Variants in DLEC1 observed in about 807,000 individuals in gnomAD.
DLEC1 encodes deleted in lung and esophageal cancer protein 1.
Under a neutral mutation model 198.1 loss-of-function variants are expected in DLEC1, and 146 were observed. The ratio of observed to expected loss-of-function variants is 0.74; its 90% CI spans 0.64 to 0.85. DLEC1 has a LOEUF of 0.85. Among genes scored for constraint, DLEC1 ranks in the 40% least tolerant of loss-of-function variants. The pLI is 0.00. For missense variants in DLEC1, 2,233 were observed against 2,220.0 expected, an observed-to-expected ratio of 1.01 and a Z score of -0.12; for synonymous variants, 897 against 866.8, an observed-to-expected ratio of 1.03 and a Z score of -0.61.
chr3:38,083,219 T>C (rs1427489711), intron 6 of DLEC1, among the ~76,000 whole-genome samples: 1 of 151,616 alleles, frequency 6.6e-6, no homozygotes, highest in Admixed American at 6.6e-5. Flanking sequence ...AGGCTTTGTG[T>C]GAGCAATAAA....
At chr3:38,040,547 G>A (rs1201014662) in intron 1 of DLEC1, among the ~76,000 whole-genome samples, 1 of 152,200 alleles carries the variant, frequency 6.6e-6, no homozygotes, top group Non-Finnish European at 1.5e-5. Context: ...GCTTCTTAAA[G>A]TGCAGCCAGA....
Position 38,122,408 on chromosome 3 carries a change from C to T in DLEC1, c.5264C>T (p.Pro1755Leu). 2.5e-6 allele frequency: 4 copies of T among 1,614,148 alleles called. No individual in the cohort carries two copies. The highest frequency in any genetic ancestry group is 3.4e-6 in the Non-Finnish European group (4 of 1,179,994). Residue 1755 changes from proline (P) to leucine (L), a missense_variant, in exon 37 of 37, where the codon CCC (proline) becomes CTC (leucine). Pro to Leu is a moderately conservative substitution (Grantham distance 98, BLOSUM62 -3). Coordinates refer to ENST00000308059, the MANE Select transcript of DLEC1 (RefSeq NM_007335.4). ...YDERYMLPHQ[P>L] ...GAGAGATACATGTTGCCTCACCAGC[C>T]CTGAGGCTCCGCCCCAGCCCTCAGC...
In DLEC1 at chr3:38,112,271, G is replaced by C; in HGVS notation, c.3576G>C (p.Gln1192His). 1 of 1,614,160 alleles carries C rather than the reference G, an allele frequency of 6.2e-7. No individual in the cohort carries two copies. Among genetic ancestry groups the C allele is most frequent in the Non-Finnish European group, 8.5e-7 (1 of 1,180,020 alleles). The change falls in exon 25 of 37, where the codon CAG becomes CAC. Residue 1192 changes from glutamine (Q) to histidine (H), a missense_variant. Physicochemically the swap from Gln to His is conservative, Grantham distance 24. Coordinates refer to ENST00000308059, the MANE Select transcript of DLEC1 (RefSeq NM_007335.4). The surrounding 1 kb of genome is among the most constrained non-coding windows in gnomAD (Gnocchi z 4.8). ...KGAAFFPHFS[Q>H]GMLGPYQQLC... ...CTGCTTTCTTCCCTCACTTTTCCCAGGGCATGCTGGGGCCCTACCAGCAGC... is the reference window on the plus strand; with the variant it reads ...CTGCTTTCTTCCCTCACTTTTCCCACGGCATGCTGGGGCCCTACCAGCAGC...
chr3:38,084,442 T>TA (rs1698276544), intron 7 of DLEC1, among the ~76,000 whole-genome samples, 197 bp downstream of exon 7: 1 of 150,178 alleles, frequency 6.7e-6, no homozygotes, highest in Admixed American at 6.7e-5. Context: ...GTAGTGGTGG[T>TA]GGTGGTGGTG....
chr3:38,116,180 G>A (rs1404956779), intron 27 of DLEC1, among the ~76,000 whole-genome samples: 3 of 152,180 alleles, frequency 2.0e-5, no homozygotes, highest in Non-Finnish European at 4.4e-5. Context: ...GGAGAGAGCA[G>A]AGCACCTGCA....
chr3:38,109,759 GTCTCC>G, intron 22 of DLEC1, 197 bp downstream of exon 22: 8 of 948,054 alleles, frequency 8.4e-6, no homozygotes, highest in Non-Finnish European at 1.2e-5. Context: ...CCTCTGTGTG[GTCTCC>G]CCACACACAC....
At position 38,114,950 on chromosome 3, in the gene DLEC1, T is replaced by A. The variant is rs573890913; in HGVS notation, c.3786-33T>A. 87 of 1,604,262 alleles carry A rather than the reference T, an allele frequency of 5.4e-5. No homozygotes were observed. The South Asian group carries it at 8.7e-4, about 16-fold the overall frequency. ...CTACCTGCAAGGTGTACGCTGGCTGTGGCTGTACTGAGTCCAGTCTGTCCC... is the reference window on the plus strand; with the variant it reads ...CTACCTGCAAGGTGTACGCTGGCTGAGGCTGTACTGAGTCCAGTCTGTCCC... On this transcript the variant is annotated intron_variant, in intron 26 of 36. Coordinates refer to ENST00000308059, the MANE Select transcript of DLEC1 (RefSeq NM_007335.4).
chr3:38,110,054 G>A, intron 22 of DLEC1, 45 bp from the exon 23 acceptor site: 1 of 1,601,958 alleles, frequency 6.2e-7, no homozygotes, highest in Non-Finnish European at 8.5e-7. Context: ...AGGGCCAAGG[G>A]TGGTGTGTTA....
rs188348577 is a variant in DLEC1 at position 38,089,958 on chromosome 3, T to G, written c.1665+1570T>G. 7.0e-3 allele frequency among the ~76,000 whole-genome samples: 1,063 copies of G among 152,296 alleles called. 9 individuals are homozygous for G. The highest frequency in any genetic ancestry group is 0.011 in the Non-Finnish European group (753 of 68,020). On this transcript the variant is annotated intron_variant, in intron 10 of 36. Coordinates refer to ENST00000308059, the MANE Select transcript of DLEC1 (RefSeq NM_007335.4). ...CTTTGGGAGGCTAAAGCAAGAGAAC[T>G]GCTGAGTCTGGGAGTTAAAGACCAG...
At chr3:38,099,995 C>T (rs1222625113) in intron 18 of DLEC1, among the ~76,000 whole-genome samples, 1 of 152,230 alleles carries the variant, frequency 6.6e-6, no homozygotes, top group Admixed American at 6.5e-5. Context: ...CCAGCTCTCC[C>T]CATTTTCCCT....
intron 18 of DLEC1, among the ~76,000 whole-genome samples, chr3:38,099,307 C>T (rs1699186564): frequency 6.6e-6 from 1 of 152,306 alleles, no homozygotes; most frequent in Middle Eastern, 3.4e-3. Context: ...GGTCATACGG[C>T]TGATGGGTAG....
At chr3:38,055,232 T>G (rs1157412388) in intron 2 of DLEC1, among the ~76,000 whole-genome samples, 1 of 152,166 alleles carries the variant, frequency 6.6e-6, no homozygotes, top group Non-Finnish European at 1.5e-5. Flanking sequence ...GACATGAGGC[T>G]TAAAGTGACA....
At chr3:38,054,195 A>G (rs1195845693) in intron 2 of DLEC1, among the ~76,000 whole-genome samples, 1 of 143,908 alleles carries the variant, frequency 6.9e-6, no homozygotes, top group Non-Finnish European at 1.5e-5. Flanking sequence ...ATCAATAAAT[A>G]CTAAAAAAAA....
At chr3:38,118,063 ACC>A in intron 33 of DLEC1, 39 bp downstream of exon 33, 8 of 1,553,400 alleles carry the variant, frequency 5.1e-6, no homozygotes, top group Non-Finnish European at 7.0e-6. Flanking sequence ...TCGATGGCAC[ACC>A]CTCACATGTG....
At chr3:38,064,521 T>C (rs1696889079) in intron 6 of DLEC1, among the ~76,000 whole-genome samples, 1 of 152,228 alleles carries the variant, frequency 6.6e-6, no homozygotes, top group Non-Finnish European at 1.5e-5. Flanking sequence ...CATGAGCTAT[T>C]GGGTACACCT....
chr3:38,094,562 C>G (rs569189481), intron 12 of DLEC1, among the ~76,000 whole-genome samples: 3 of 152,288 alleles, frequency 2.0e-5, no homozygotes, highest in Middle Eastern at 3.4e-3. Context: ...TGATGTATAG[C>G]CTCTTCCACT....
intron 2 of DLEC1, among the ~76,000 whole-genome samples, chr3:38,057,602 T>C (rs955562238): frequency 6.6e-6 from 1 of 152,162 alleles, no homozygotes; most frequent in Admixed American, 6.5e-5. Flanking sequence ...ACATTTGACA[T>C]GTTATATTTA....
At chr3:38,047,322 G>A (rs1189333009) in intron 2 of DLEC1, among the ~76,000 whole-genome samples, 1 of 152,092 alleles carries the variant, frequency 6.6e-6, no homozygotes, top group Non-Finnish European at 1.5e-5. Flanking sequence ...CCACACTATG[G>A]AATACTGCAA....
chr3:38,118,653 G>C (rs1700306536), intron 33 of DLEC1, among the ~76,000 whole-genome samples: 1 of 152,064 alleles, frequency 6.6e-6, no homozygotes, highest in Non-Finnish European at 1.5e-5. Flanking sequence ...TGGGCTTCCA[G>C]GGTGTGCAGA....
Sources: allele counts gnomAD v4.1 joint callset (sites outside exome capture counted in the v4.1 genomes callset), GRCh38; gene constraint gnomAD v4.1.1; non-coding constraint Gnocchi (gnomAD v3.1); transcripts MANE v1.5; gene names NCBI Gene and HGNC (gene_info 2026-07-23, HGNC 2026-07-21).